Variants in NRG4 observed in about 807,000 individuals in gnomAD.
NRG4 encodes neuregulin 4, also known as pro-neuregulin-4, membrane-bound isoform.
Under a neutral mutation model 15.0 loss-of-function variants are expected in NRG4, and 10 were observed. The observed-to-expected ratio is 0.67, with a 90% confidence interval of 0.41 to 1.13. The LOEUF (loss-of-function observed/expected upper bound fraction) is 1.13, where lower values mean the gene tolerates loss of function less well. NRG4 is among the 50% of genes most tolerant of loss of function. The probability of loss-of-function intolerance (pLI) is 0.00; values close to 1 mark genes in which losing one functional copy is unlikely to be tolerated. For synonymous variants in NRG4, 41 were observed against 50.1 expected, an observed-to-expected ratio of 0.82 and a Z score of 0.77; for missense variants, 139 against 140.2, an observed-to-expected ratio of 0.99 and a Z score of 0.04.
At position 76,037,200 on chromosome 15, in the gene NRG4, C is replaced by T. The variant is rs577302526; in HGVS notation, c.-104-1209G>A. Among the ~76,000 whole-genome samples the T allele has an allele frequency of 6.6e-5, 10 of 152,230 alleles. No individual in the cohort carries two copies. In the South Asian group the frequency reaches 2.1e-3, roughly 32 times the overall value. ...CCCCCTGCAGGAACACCAAATTCAA[C>T]AACTATCTACACACACAAAAAAAGC... is the stretch of plus-strand genomic sequence containing the variant. On this transcript the variant is annotated intron_variant, in intron 4 of 8. Coordinates refer to the NRG4 transcript ENST00000563910.
At chr15:75,999,427 G>A (rs1433106236) in intron 3 of NRG4, among the ~76,000 whole-genome samples, 1 of 152,078 alleles carries the variant, frequency 6.6e-6, no homozygotes, top group Admixed American at 6.5e-5. Flanking sequence ...ACTAGCTTAG[G>A]CCTTTTTATG....
chr15:75,955,227 G>A (rs1188853746), intron 5 of NRG4, among the ~76,000 whole-genome samples: 1 of 152,002 alleles, frequency 6.6e-6, no homozygotes, highest in Non-Finnish European at 1.5e-5. Context: ...GTACAATATA[G>A]TCACCTTGAT....
intron 5 of NRG4, among the ~76,000 whole-genome samples, chr15:76,027,753 C>T (rs932747028): frequency 1.3e-5 from 2 of 152,052 alleles, no homozygotes; most frequent in Admixed American, 6.6e-5. Flanking sequence ...GCACATGGAA[C>T]ATTCTCCAAA....
chr15:75,978,564 G>T (rs182991383), intron 3 of NRG4, among the ~76,000 whole-genome samples: 1 of 152,300 alleles, frequency 6.6e-6, no homozygotes, highest in Admixed American at 6.5e-5. Flanking sequence ...ATACCCAGCA[G>T]CAGGATTGCT....
chr15:75,954,042 T>A (rs1400581034), intron 5 of NRG4, among the ~76,000 whole-genome samples: 1 of 152,150 alleles, frequency 6.6e-6, no homozygotes, highest in Non-Finnish European at 1.5e-5. Flanking sequence ...CTGCAAAAAT[T>A]TTTGACTCTT....
intron 5 of NRG4, among the ~76,000 whole-genome samples, chr15:76,020,868 T>C (rs146884498): frequency 3.3e-5 from 5 of 152,314 alleles, no homozygotes; most frequent in African/African-American, 1.2e-4. Context: ...CTCCATAACA[T>C]AAAAGTGCAA....
At chr15:76,048,278 C>T (rs961247344) in intron 4 of NRG4, among the ~76,000 whole-genome samples, 3 of 149,844 alleles carry the variant, frequency 2.0e-5, no homozygotes, top group South Asian at 2.1e-4. Flanking sequence ...TTGAGACTAG[C>T]GTGGCCAATG....
At chr15:75,986,704 T>A (rs1232013124) in intron 3 of NRG4, among the ~76,000 whole-genome samples, 1 of 152,196 alleles carries the variant, frequency 6.6e-6, no homozygotes, top group Admixed American at 6.5e-5. Flanking sequence ...TTTAAAAAAA[T>A]TATAATTAGA....
At chr15:75,937,831 G>A (rs1217920708), downstream of NRG4, 1 of 152,218 alleles carries the variant, frequency 6.6e-6, no homozygotes, top group East Asian at 1.9e-4. Flanking sequence ...TGCCTAACTG[G>A]TAGGGTGGGC....
intron 5 of NRG4, among the ~76,000 whole-genome samples, chr15:75,946,931 A>G (rs1291181524): frequency 6.6e-6 from 1 of 152,190 alleles, no homozygotes; most frequent in Non-Finnish European, 1.5e-5. Context: ...GGTATATACC[A>G]CATTTTATCT....
intron 3 of NRG4, among the ~76,000 whole-genome samples, chr15:75,991,168 G>A (rs2015220792): frequency 6.6e-6 from 1 of 152,066 alleles, no homozygotes; most frequent in South Asian, 2.1e-4. Flanking sequence ...AAAGGAAAGG[G>A]CCAAATAGCA....
At chr15:75,959,943 G>A (rs573846041) in intron 4 of NRG4, among the ~76,000 whole-genome samples, 1 of 152,244 alleles carries the variant, frequency 6.6e-6, no homozygotes, top group South Asian at 2.1e-4. Flanking sequence ...ACTCAAGATG[G>A]TGGTTGCTCC....
chr15:75,950,511 ATCC>A (rs138641073), intron 5 of NRG4: 2,823 of 235,464 alleles, frequency 0.012, 92 homozygotes, highest in African/African-American at 0.059. Context: ...AGTCTGGATC[ATCC>A]TCCTCATCCC....
intron 4 of NRG4, among the ~76,000 whole-genome samples, chr15:76,048,275 T>C (rs1005456745): frequency 4.0e-5 from 6 of 149,998 alleles, no homozygotes; most frequent in African/African-American, 1.5e-4. Context: ...AGTTTGAGAC[T>C]AGCGTGGCCA....
At chr15:76,001,115 A>T (rs1180386654) in intron 3 of NRG4, among the ~76,000 whole-genome samples, 3 of 152,030 alleles carry the variant, frequency 2.0e-5, no homozygotes, top group Non-Finnish European at 2.9e-5. Context: ...CCTCCTGAGT[A>T]GCTGGGACTG....
chr15:76,014,700 T>C (rs2034922449), upstream of NRG4, among the ~76,000 whole-genome samples: 1 of 152,180 alleles, frequency 6.6e-6, no homozygotes, highest in Non-Finnish European at 1.5e-5. Context: ...TCCATTGGTC[T>C]ATATGTCTGT....
intron 3 of NRG4, among the ~76,000 whole-genome samples, chr15:75,996,729 G>C (rs1224001846): frequency 6.6e-6 from 1 of 152,000 alleles, no homozygotes; most frequent in African/African-American, 2.4e-5. Flanking sequence ...TACTACATTT[G>C]TTTATAGTCT....
At chr15:76,029,694 A>G (rs2035419807) in intron 5 of NRG4, among the ~76,000 whole-genome samples, 1 of 152,224 alleles carries the variant, frequency 6.6e-6, no homozygotes, top group Admixed American at 6.5e-5. Context: ...CAAAAACATA[A>G]AATACCTAGG....
At chr15:76,057,281 G>T (rs923460651) in intron 1 of NRG4, 3 of 152,012 alleles carry the variant, frequency 2.0e-5, no homozygotes, top group Admixed American at 2.0e-4. Flanking sequence ...TTTGAAAGGA[G>T]GCTCCAGAAT....
Sources: gnomAD v4.1 joint callset for allele counts (sites outside exome capture counted in the v4.1 genomes callset) on GRCh38, gnomAD v4.1.1 for gene constraint, MANE v1.5 for transcripts, NCBI Gene and HGNC (gene_info 2026-07-23, HGNC 2026-07-21) for gene names.